Variants in WBP2 observed in about 807,000 individuals in gnomAD.
WBP2 encodes WW domain-binding protein 2.
In WBP2, 23 loss-of-function variants were observed where a neutral mutation model predicts 33.0. The ratio of observed to expected loss-of-function variants is 0.70; its 90% CI spans 0.50 to 0.99. The LOEUF is 0.99. Ranked by LOEUF, WBP2 falls within the 50% of genes least tolerant of loss-of-function variation. The pLI is 0.00. For missense variants in WBP2, 353 were observed against 358.0 expected, an observed-to-expected ratio of 0.99 and a Z score of 0.11; for synonymous variants, 153 against 133.5, an observed-to-expected ratio of 1.15 and a Z score of -1.01.
In WBP2 at chr17:75,847,466, C is replaced by G. The variant is rs775235161; in HGVS notation, c.655+21G>C. 1.0e-5 allele frequency: 16 copies of G among 1,584,748 alleles called. No homozygotes were observed. The South Asian group carries it at 1.7e-4, about 17-fold the overall frequency. On this transcript the variant is annotated intron_variant, in intron 6 of 7. Coordinates refer to ENST00000254806, the MANE Select transcript of WBP2 (RefSeq NM_012478.4). ...GGAGAGGGCTGGTCCCGAAGGGCTG[C>G]CAGCACCCAAGGGCCCTCACCTGCA...
At chr17:75,848,290 G>A (rs2065007487) in intron 4 of WBP2, 1 of 586,274 alleles carries the variant, frequency 1.7e-6, no homozygotes, top group South Asian at 2.0e-5. Context: ...GGTTGGTTTA[G>A]TGTTTGTTTT....
chr17:75,847,376 C>G, intron 6 of WBP2, 111 bp downstream of exon 6: 1 of 1,502,150 alleles, frequency 6.7e-7, no homozygotes, highest in South Asian at 1.2e-5. Context: ...GTCCAGGGGT[C>G]ATCCATCATC....
In WBP2 at chr17:75,846,611, A is replaced by G; in HGVS notation, c.*123T>C. The G allele has an allele frequency of 8.2e-7, 1 of 1,214,762 alleles. No homozygotes were observed. 75.2% of individuals were successfully genotyped at this position (1,214,762 alleles called of 1,614,324 possible). On this transcript the variant is annotated 3_prime_UTR_variant, in exon 8 of 8. Coordinates refer to ENST00000254806, the MANE Select transcript of WBP2 (RefSeq NM_012478.4). This position sits in a 1 kb window ranked among gnomAD's most constrained non-coding sequence, Gnocchi z 4.8. Reference sequence around the variant, plus strand: ...TGTCCCACAATGCTAGTTCCTGGTAATTGTTTATGATCAGACCTGGAGGGA... The same window carrying G: ...TGTCCCACAATGCTAGTTCCTGGTAGTTGTTTATGATCAGACCTGGAGGGA...
chr17:75,851,433 C>T (rs114711605), intron 2 of WBP2, 135 bp downstream of exon 2: 4 of 654,878 alleles, frequency 6.1e-6, no homozygotes, highest in Non-Finnish European at 1.1e-5. Context: ...GAGAAACAGG[C>T]AGAGTGAAGC....
chr17:75,850,235 T>C (rs1567826772), intron 2 of WBP2, among the ~76,000 whole-genome samples: 22 of 151,164 alleles, frequency 1.5e-4, no homozygotes, highest in Admixed American at 5.9e-4. Context: ...TGGGTTTTAT[T>C]TTTTCTTTTC....
chr17:75,852,656 C>T (rs978743613), intron 1 of WBP2: 5 of 284,074 alleles, frequency 1.8e-5, no homozygotes, highest in East Asian at 1.7e-4. Context: ...GGGGTTTCAC[C>T]GTGTTAGCCA....
At chr17:75,855,425 A>T, upstream of WBP2, 1 of 972,312 alleles carries the variant, frequency 1.0e-6, no homozygotes, top group Non-Finnish European at 1.6e-6. Flanking sequence ...TGGCCCAAAC[A>T]CCTGACCCGA....
rs1015217610 is a variant in WBP2, at chr17:75,847,160, G to A, written c.656-176C>T. On this transcript the variant is annotated intron_variant, in intron 6 of 7. Coordinates refer to ENST00000254806, the MANE Select transcript of WBP2 (RefSeq NM_012478.4). ...CCACGCGCTGGCACGGTCCTTTCCA[G>A]GCCCATCGCATGTCTCACCTCATCT... 5.6e-6 allele frequency: 4 copies of A among 719,566 alleles called. No individual in the cohort carries two copies. In the African/African-American group the frequency reaches 7.1e-5, roughly 13 times the overall value. 44.6% of individuals were successfully genotyped at this position (719,566 alleles called of 1,614,324 possible). A position where few individuals can be genotyped will look rare whatever the true frequency, so the allele number is the denominator to read the frequency against.
At position 75,851,770 on chromosome 17, in the gene WBP2, A is replaced by C; in HGVS notation, c.60-94T>G. 1.7e-5 allele frequency: 15 copies of C among 903,632 alleles called. No individual in the cohort carries two copies. In the South Asian group the frequency reaches 2.0e-4, roughly 12 times the overall value. The allele number at this position is 903,632 out of a possible 1,614,324, so 56.0% of individuals were successfully genotyped here. A position where few individuals can be genotyped will look rare whatever the true frequency, so the allele number is the denominator to read the frequency against. On this transcript the variant is annotated intron_variant, in intron 1 of 7. Transcript: ENST00000254806. Reference sequence around the variant, plus strand: ...CCTTTCTCCCAAGCAGCTGCCCGGCACGTCAGCTCTCATAACCTCTCAATA... The same window carrying C: ...CCTTTCTCCCAAGCAGCTGCCCGGCCCGTCAGCTCTCATAACCTCTCAATA...
Position 75,846,597 on chromosome 17 carries a change from G to T in WBP2, c.*137C>A. 8.8e-7 allele frequency: 1 copy of T among 1,138,808 alleles called. No homozygotes were observed. Among genetic ancestry groups the T allele is most frequent in the Non-Finnish European group, 1.3e-6 (1 of 778,368 alleles). The allele number at this position is 1,138,808 out of a possible 1,614,324, so 70.5% of individuals were successfully genotyped here. On this transcript the variant is annotated 3_prime_UTR_variant, in exon 8 of 8. Coordinates refer to ENST00000254806, the MANE Select transcript of WBP2 (RefSeq NM_012478.4). This position sits in a 1 kb window ranked among gnomAD's most constrained non-coding sequence, Gnocchi z 4.8. ...GCCGGGGGCCCTAATGTCCCACAATGCTAGTTCCTGGTAATTGTTTATGAT... is the reference window on the plus strand; with the variant it reads ...GCCGGGGGCCCTAATGTCCCACAATTCTAGTTCCTGGTAATTGTTTATGAT...
intron 1 of WBP2, 55 bp downstream of exon 1, chr17:75,855,184 C>CCAAA: frequency 6.6e-7 from 1 of 1,514,158 alleles, no homozygotes; most frequent in Non-Finnish European, 9.1e-7. Flanking sequence ...ACCCACCGCC[C>CCAAA]ACTTCCTCGA....
intron 2 of WBP2, 101 bp from the exon 3 acceptor site, chr17:75,849,840 A>AT: frequency 6.8e-7 from 1 of 1,474,750 alleles, no homozygotes. Flanking sequence ...TCCCAGTGCC[A>AT]GGGTCCAGCA....
chr17:75,846,465 G>T lies in WBP2; in HGVS notation c.*269C>A. The T allele has an allele frequency of 1.9e-6, 1 of 535,194 alleles. No individual in the cohort carries two copies. 33.2% of individuals were successfully genotyped at this position (535,194 alleles called of 1,614,324 possible). A position where few individuals can be genotyped will look rare whatever the true frequency, so the allele number is the denominator to read the frequency against. On this transcript the variant is annotated 3_prime_UTR_variant, in exon 8 of 8. Transcript: ENST00000254806. This position sits in a 1 kb window ranked among gnomAD's most constrained non-coding sequence, Gnocchi z 4.8. ...AGAAGCTGAGAGTGAAACAGGAACAGGGGATGCTCCGTGCTCCCAGAAGAG... is the reference window on the plus strand; with the variant it reads ...AGAAGCTGAGAGTGAAACAGGAACATGGGATGCTCCGTGCTCCCAGAAGAG...
At chr17:75,847,356 C>A in intron 6 of WBP2, 131 bp downstream of exon 6, 1 of 1,419,544 alleles carries the variant, frequency 7.0e-7, no homozygotes, top group South Asian at 1.2e-5. Flanking sequence ...CCTGCTGGGC[C>A]CCTGGGGTAG....
At chr17:75,848,327 G>C in intron 4 of WBP2, 4 of 595,466 alleles carry the variant, frequency 6.7e-6, no homozygotes. Flanking sequence ...GTGTCCTTGA[G>C]TCCAAACAGC....
At chr17:75,848,259 G>A in intron 4 of WBP2, 2 of 581,392 alleles carry the variant, frequency 3.4e-6, no homozygotes, top group Non-Finnish European at 6.1e-6. Flanking sequence ...ATTTTCAATG[G>A]CTGCGGAACC....
Position 75,848,671 on chromosome 17 carries a change from GGAA to G in WBP2, c.305-12_305-10del. ...AGAGCCTTCCCAGCCACCTGAAAGG[GGAA>G]GGACAGTGAATAAACAGCACAGGAA... On this transcript the variant is annotated splice_polypyrimidine_tract_variant and intron_variant, in intron 3 of 7. Transcript: ENST00000254806. 1 of 1,610,550 alleles carries G rather than the reference GGAA, an allele frequency of 6.2e-7. No homozygotes were observed.
rs1261541177 is a variant in WBP2, at chr17:75,846,692, A to C, written c.*42T>G. On this transcript the variant is annotated 3_prime_UTR_variant, in exon 8 of 8. Coordinates refer to ENST00000254806, the MANE Select transcript of WBP2 (RefSeq NM_012478.4). The surrounding 1 kb of genome is among the most constrained non-coding windows in gnomAD (Gnocchi z 4.8). ...CCAGCACAGCCCCGATGGGAGGGGT[A>C]GGGTAGAGAGATGAGGGTGGGAGGC... 7 of 1,495,908 alleles carry C rather than the reference A, an allele frequency of 4.7e-6. No individual in the cohort carries two copies. The African/African-American group carries it at 8.4e-5, about 18-fold the overall frequency. 92.7% of individuals were successfully genotyped at this position (1,495,908 alleles called of 1,614,324 possible).
At chr17:75,850,244 TC>T in intron 2 of WBP2, among the ~76,000 whole-genome samples, 1 of 151,486 alleles carries the variant, frequency 6.6e-6, no homozygotes, top group Admixed American at 6.6e-5. Context: ...TTTTTTCTTT[TC>T]TTTTCTTTTT....
Sources: allele counts gnomAD v4.1 joint callset (sites outside exome capture counted in the v4.1 genomes callset), GRCh38; gene constraint gnomAD v4.1.1; non-coding constraint Gnocchi (gnomAD v3.1); transcripts MANE v1.5; gene names NCBI Gene and HGNC (gene_info 2026-07-23, HGNC 2026-07-21).